The following M1AP variants were observed in gnomAD, a reference collection of about 807,000 sequenced individuals.
M1AP encodes meiosis 1 associated protein.
A neutral mutation model predicts 51.2 loss-of-function variants in M1AP; 39 were observed. The observed-to-expected ratio is 0.76, with a 90% CI of 0.59 to 1.00. The LOEUF is 1.00. Among genes scored for constraint, M1AP ranks in the 50% least tolerant of loss-of-function variants. The pLI, the probability that M1AP is intolerant of heterozygous loss-of-function variation, is 0.00. For missense variants in M1AP, 545 were observed against 641.2 expected, an observed-to-expected ratio of 0.85 and a Z score of 1.62; for synonymous variants, 251 against 249.2, an observed-to-expected ratio of 1.01 and a Z score of -0.07.
intron 4 of M1AP, among the ~76,000 whole-genome samples, chr2:74,600,327 C>T (rs10197087): frequency 0.097 from 14,775 of 152,164 alleles, 2,097 homozygotes; most frequent in African/African-American, 0.31. Context: ...GTAATTATGA[C>T]CTAAAAACAA....
At chr2:74,618,876 G>T (rs1471594905) in intron 2 of M1AP, 4 of 508,922 alleles carry the variant, frequency 7.9e-6, no homozygotes, top group Admixed American at 2.0e-5. Context: ...AGCTGTCATT[G>T]TTCAGTCTTA....
chr2:74,573,167 C>T (rs987524977), intron 7 of M1AP, among the ~76,000 whole-genome samples: 2 of 151,530 alleles, frequency 1.3e-5, no homozygotes, highest in Non-Finnish European at 2.9e-5. Context: ...CTGCCTCAGC[C>T]TCCCAAGTAG....
In M1AP at chr2:74,616,110, T is replaced by G. The variant is rs539552113; in HGVS notation, c.241-961A>C. ...AACACAAGGAATTGCATATAATTCTTACACAAAGAAAACTTGTAATCTAGA... is the reference window on the plus strand; with the variant it reads ...AACACAAGGAATTGCATATAATTCTGACACAAAGAAAACTTGTAATCTAGA... On this transcript the variant is annotated intron_variant, in intron 2 of 10. Coordinates refer to ENST00000421985, the MANE Select transcript of M1AP (RefSeq NM_001321739.2). Among the ~76,000 whole-genome samples, 4 of 152,302 alleles carry G rather than the reference T, an allele frequency of 2.6e-5. No individual in the cohort carries two copies. In the South Asian group the frequency reaches 8.3e-4, roughly 32 times the overall value.
chr2:74,558,527 G>T lies in M1AP; in HGVS notation c.*189C>A, dbSNP rs763135444. 6 of 585,030 alleles carry T rather than the reference G, an allele frequency of 1.0e-5. No individual in the cohort carries two copies. The Admixed American group carries it at 2.0e-4, about 19-fold the overall frequency. 36.2% of individuals were successfully genotyped at this position (585,030 alleles called of 1,614,324 possible). A position where few individuals can be genotyped will look rare whatever the true frequency, so the allele number is the denominator to read the frequency against. On this transcript the variant is annotated 3_prime_UTR_variant, in exon 11 of 11. Transcript: ENST00000421985. ...TCCTTGCTGGAGAAAGGACAGGCTC[G>T]GGTGTGTCGCTTCCAGACTTGAGGA... is the stretch of plus-strand genomic sequence containing the variant.
intron 4 of M1AP, among the ~76,000 whole-genome samples, chr2:74,598,079 T>C (rs191032123): frequency 6.2e-4 from 94 of 152,336 alleles, no homozygotes; most frequent in African/African-American, 2.2e-3. Flanking sequence ...ATAATTTCTT[T>C]CTTTTTAAAA....
At chr2:74,639,239 T>C (rs1377811166) in intron 2 of M1AP, among the ~76,000 whole-genome samples, 1 of 152,240 alleles carries the variant, frequency 6.6e-6, no homozygotes. Flanking sequence ...AAAAAATAGA[T>C]TTCAGTCATA....
intron 7 of M1AP, among the ~76,000 whole-genome samples, chr2:74,564,895 C>T (rs530361839): frequency 3.9e-5 from 6 of 152,220 alleles, no homozygotes; most frequent in Non-Finnish European, 5.9e-5. Flanking sequence ...TACATTGATT[C>T]GTGCATTTAC....
chr2:74,576,899 G>A, intron 5 of M1AP: 1 of 1,151,326 alleles, frequency 8.7e-7, no homozygotes. Flanking sequence ...TTTACTTCTG[G>A]GCTGGCTGAG....
Position 74,565,417 on chromosome 2 carries a change from G to A in M1AP, c.1075-2994C>T, listed in dbSNP as rs1678310644. On this transcript the variant is annotated intron_variant, in intron 7 of 10. Transcript: ENST00000421985. ...CAACATATAAAATGAATTATATACT[G>A]CAACAAAGTAGGATTTATCCCTAAG... Among the ~76,000 whole-genome samples, 3 of 152,046 alleles carry A rather than the reference G, an allele frequency of 2.0e-5. No homozygotes were observed. The South Asian group carries it at 6.2e-4, about 32-fold the overall frequency.
At chr2:74,634,752 A>G (rs1408043861) in intron 2 of M1AP, among the ~76,000 whole-genome samples, 1 of 152,156 alleles carries the variant, frequency 6.6e-6, no homozygotes, top group African/African-American at 2.4e-5. Context: ...TGACATAATC[A>G]TGTGGTTTTC....
chr2:74,599,690 C>T (rs987337783), intron 4 of M1AP, among the ~76,000 whole-genome samples: 1 of 152,000 alleles, frequency 6.6e-6, no homozygotes, highest in South Asian at 2.1e-4. Flanking sequence ...AAGGCAAACC[C>T]CTGGCCCTAA....
intron 7 of M1AP, 108 bp from the exon 8 acceptor site, chr2:74,562,531 A>G (rs1464600468): frequency 8.1e-7 from 1 of 1,230,158 alleles, no homozygotes; most frequent in African/African-American, 1.5e-5. Flanking sequence ...TGAGGAGGGC[A>G]GAGCCATTTA....
intron 4 of M1AP, among the ~76,000 whole-genome samples, chr2:74,587,299 C>T (rs1679771369): frequency 6.6e-6 from 1 of 151,680 alleles, no homozygotes; most frequent in Admixed American, 6.6e-5. Flanking sequence ...CCCGGGTTCA[C>T]GCCATTCTCC....
At chr2:74,599,546 G>A (rs1325781740) in intron 4 of M1AP, among the ~76,000 whole-genome samples, 10 of 151,986 alleles carry the variant, frequency 6.6e-5, no homozygotes, top group Non-Finnish European at 1.5e-5. Context: ...TGTCAGCCAA[G>A]CCACATATCA....
At chr2:74,592,692 T>C (rs1680118073) in intron 4 of M1AP, among the ~76,000 whole-genome samples, 1 of 152,232 alleles carries the variant, frequency 6.6e-6, no homozygotes, top group East Asian at 1.9e-4. Context: ...TTATTGTACC[T>C]GGATTTTGAG....
At chr2:74,639,074 A>T (rs2104836380) in intron 2 of M1AP, among the ~76,000 whole-genome samples, 1 of 152,348 alleles carries the variant, frequency 6.6e-6, no homozygotes, top group Admixed American at 6.5e-5. Flanking sequence ...TCAAGAAATA[A>T]ACCATGAGTT....
intron 2 of M1AP, chr2:74,618,977 C>T (rs1431256807): frequency 9.4e-6 from 5 of 533,956 alleles, no homozygotes; most frequent in Admixed American, 3.9e-5. Flanking sequence ...TATAGCAGAA[C>T]CATGGGCCCT....
intron 4 of M1AP, among the ~76,000 whole-genome samples, chr2:74,598,133 G>C (rs552418082): frequency 6.6e-6 from 1 of 152,146 alleles, no homozygotes; most frequent in Non-Finnish European, 1.5e-5. Flanking sequence ...TGTAATCCCA[G>C]CACTTTGGGA....
At chr2:74,578,775 TAAG>T (rs1176328777) in intron 5 of M1AP, among the ~76,000 whole-genome samples, 2 of 152,168 alleles carry the variant, frequency 1.3e-5, no homozygotes, top group Admixed American at 6.5e-5. Flanking sequence ...GAGAACCTTG[TAAG>T]AAGGAGTCAG....
Sources: allele counts gnomAD v4.1 joint callset (sites outside exome capture counted in the v4.1 genomes callset), GRCh38; gene constraint gnomAD v4.1.1; transcripts MANE v1.5; gene names NCBI Gene and HGNC (gene_info 2026-07-23, HGNC 2026-07-21).